Variants in CALCOCO1 observed in about 807,000 individuals in gnomAD.
The protein encoded by CALCOCO1 is calcium-binding and coiled-coil domain-containing protein 1.
A neutral mutation model predicts 86.3 loss-of-function variants in CALCOCO1; 44 were observed. That is an observed-to-expected ratio of 0.51 (90% CI 0.40 to 0.66). The LOEUF (loss-of-function observed/expected upper bound fraction) is 0.66. Among genes scored for constraint, CALCOCO1 ranks in the 30% least tolerant of loss-of-function variants. The pLI is 0.00. For missense variants in CALCOCO1, 708 were observed against 851.1 expected (o/e 0.83, Z 2.09); for synonymous variants, 297 against 327.6 (o/e 0.91, Z 1.01).
At chr12:53,720,941 G>A (rs1315707313) in intron 6 of CALCOCO1, among the ~76,000 whole-genome samples, 1 of 152,236 alleles carries the variant, frequency 6.6e-6, no homozygotes, top group Non-Finnish European at 1.5e-5. Flanking sequence ...AAAAATGACA[G>A]CTGTCAAATG....
Position 53,725,207 on chromosome 12 carries a change from A to C in CALCOCO1, c.36T>G (p.Arg12=). 1 of 1,611,090 alleles carries C rather than the reference A, an allele frequency of 6.2e-7. No individual in the cohort carries two copies. Among genetic ancestry groups the C allele is most frequent in the Admixed American group, 1.7e-5 (1 of 59,530 alleles). ...EESPLSRAPS[R]GGVNFLNVAR... Reference sequence around the variant, plus strand: ...CTACATTGAGAAAGTTGACTCCACCACGGGATGGTGCCCGGCTTAGTGGTG... The same window carrying C: ...CTACATTGAGAAAGTTGACTCCACCCCGGGATGGTGCCCGGCTTAGTGGTG... The change falls in exon 2 of 15, where the codon CGT becomes CGG. Residue 12 remains arginine, a synonymous_variant. Transcript: ENST00000550804.
At chr12:53,719,901 T>C (rs991705882) in intron 6 of CALCOCO1, 72 bp from the exon 7 acceptor site, 1 of 980,602 alleles carries the variant, frequency 1.0e-6, no homozygotes, top group African/African-American at 1.6e-5. Flanking sequence ...GCCTCTGTCT[T>C]GTGCTCTGCT....
rs1945988288 is a variant in CALCOCO1 at position 53,725,115 on chromosome 12, C to G, written c.128G>C (p.Ser43Thr). The change falls in exon 2 of 15, where the codon AGT becomes ACT. Residue 43 changes from serine (S) to threonine (T), a missense_variant. By Grantham distance (58) the Ser-to-Thr change is moderately conservative. Transcript: ENST00000550804. ...GAAGATGCCAATCCAGTCACTGGCA[C>G]TGGGCATGGTGCCTGGGGGAAGGGT... The part of the protein sequence containing the change: ...HYTLPPGTMP[S>T]ASDWIGIFKV... 1.2e-6 allele frequency: 2 copies of G among 1,609,682 alleles called. No individual in the cohort carries two copies. Among genetic ancestry groups the G allele is most frequent in the Non-Finnish European group, 1.7e-6 (2 of 1,178,006 alleles).
intron 14 of CALCOCO1, 94 bp from the exon 15 acceptor site, chr12:53,712,215 T>A: frequency 9.1e-7 from 1 of 1,096,780 alleles, no homozygotes; most frequent in South Asian, 1.6e-5. Flanking sequence ...GTGCCTGGGT[T>A]CCCAGGTTAT....
intron 4 of CALCOCO1, among the ~76,000 whole-genome samples, chr12:53,722,485 A>G (rs1238985250): frequency 1.3e-5 from 2 of 152,172 alleles, no homozygotes; most frequent in Non-Finnish European, 2.9e-5. Context: ...ACACAGACAC[A>G]AGGGATGGGT....
In CALCOCO1 at chr12:53,715,848, T is replaced by A. The variant is rs745478232; in HGVS notation, c.1205A>T (p.Lys402Met). 2 of 1,614,108 alleles carry A rather than the reference T, an allele frequency of 1.2e-6. No individual in the cohort carries two copies. The highest frequency in any genetic ancestry group is 1.7e-6 in the Non-Finnish European group (2 of 1,180,020). ...CTTGCTCCATTGGCATTTTTCTTCC[T>A]TCAAGTGCAAACCGAGCTCAGCCAG... ...GRLAELGLHL[K>M]EEKCQWSKER... The change falls in exon 9 of 15, where the codon AAG becomes ATG. Residue 402 changes from lysine to methionine, a missense_variant. Lys to Met is a moderately conservative substitution (Grantham distance 95). Coordinates refer to ENST00000550804, the MANE Select transcript of CALCOCO1 (RefSeq NM_020898.3).
chr12:53,724,886 G>T, intron 2 of CALCOCO1, 139 bp from the exon 3 acceptor site: 1 of 827,238 alleles, frequency 1.2e-6, no homozygotes, highest in Non-Finnish European at 1.9e-6. Context: ...AAAGTGGAGG[G>T]ACACTAATGT....
chr12:53,714,778 A>G, intron 10 of CALCOCO1, 85 bp from the exon 11 acceptor site: 1 of 929,622 alleles, frequency 1.1e-6, no homozygotes, highest in Non-Finnish European at 1.7e-6. Context: ...AACAATCTAG[A>G]ACCAGGTCTC....
In CALCOCO1 at chr12:53,710,129, T is replaced by C. The variant is rs1363249567; in HGVS notation, c.*1815A>G. ...AAGCAATAAAGGAAGAGAGGGATTC[T>C]ATTAATTAAATCATTGTTATAATTA... On this transcript the variant is annotated 3_prime_UTR_variant, in exon 15 of 15. Transcript: ENST00000550804. 1.3e-5 allele frequency: 2 copies of C among 152,222 alleles called. No homozygotes were observed. Among genetic ancestry groups the C allele is most frequent in the Non-Finnish European group, 2.9e-5 (2 of 68,040 alleles). The allele number at this position is 152,222 out of a possible 1,614,324, so 9.4% of individuals were successfully genotyped here.
In CALCOCO1 at chr12:53,710,562, T is replaced by C. The variant is rs913414245; in HGVS notation, c.*1382A>G. The C allele has an allele frequency of 2.0e-5, 3 of 152,194 alleles. No individual in the cohort carries two copies. The highest frequency in any genetic ancestry group is 1.9e-4 in the East Asian group (1 of 5,188). 9.4% of individuals were successfully genotyped at this position (152,194 alleles called of 1,614,324 possible). ...GTCTAGCCTGTGAAGCTGGTTAGAG[T>C]GGATGAATGTGTTTTTGTGACTGTT... On this transcript the variant is annotated 3_prime_UTR_variant, in exon 15 of 15. Transcript: ENST00000550804.
rs200116362 is a variant in CALCOCO1 at position 53,713,902 on chromosome 12, T to C, written c.1592-2A>G. 2.0e-6 allele frequency: 3 copies of C among 1,526,758 alleles called. No homozygotes were observed. The highest frequency in any genetic ancestry group is 8.8e-7 in the Non-Finnish European group (1 of 1,137,460). 94.6% of individuals were successfully genotyped at this position (1,526,758 alleles called of 1,614,324 possible). A position where few individuals can be genotyped will look rare whatever the true frequency, so the allele number is the denominator to read the frequency against. On this transcript the variant is annotated splice_acceptor_variant, in intron 12 of 14. Coordinates refer to ENST00000550804, the MANE Select transcript of CALCOCO1 (RefSeq NM_020898.3). LOFTEE classifies it high-confidence loss of function. Reference sequence around the variant, plus strand: ...AGTCTGTCAGAGCTGCCGGGCAGCCTGTAGGAGATGAAGCAGGCAGAGAAG... The same window carrying C: ...AGTCTGTCAGAGCTGCCGGGCAGCCCGTAGGAGATGAAGCAGGCAGAGAAG...
Position 53,711,386 on chromosome 12 carries a change from G to C in CALCOCO1, c.*558C>G. 1 of 389,588 alleles carries C rather than the reference G, an allele frequency of 2.6e-6. No homozygotes were observed. Among genetic ancestry groups the C allele is most frequent in the Non-Finnish European group, 4.5e-6 (1 of 220,774 alleles). The allele number at this position is 389,588 out of a possible 1,614,324, so 24.1% of individuals were successfully genotyped here. ...ATACCTAAGGTTATGGAAAAGGCTA[G>C]GGTGGGGCACAGAAGTCAATGGGGG... On this transcript the variant is annotated 3_prime_UTR_variant, in exon 15 of 15. Coordinates refer to ENST00000550804, the MANE Select transcript of CALCOCO1 (RefSeq NM_020898.3).
In CALCOCO1 at chr12:53,716,323, A is replaced by G. The variant is rs1945726295; in HGVS notation, c.942T>C (p.Ala314=). The G allele has an allele frequency of 6.2e-7, 1 of 1,614,172 alleles. No homozygotes were observed. Among genetic ancestry groups the G allele is most frequent in the Non-Finnish European group, 8.5e-7 (1 of 1,180,042 alleles). The change falls in exon 8 of 15, where the codon GCT becomes GCC. Residue 314 remains alanine, a synonymous_variant. Transcript: ENST00000550804. Reference sequence around the variant, plus strand: ...GGGCCACCTTGTCTTTCAGTCGCTGAGCCTGAGCACTCTGCTCCTCTTGCC... The same window carrying G: ...GGGCCACCTTGTCTTTCAGTCGCTGGGCCTGAGCACTCTGCTCCTCTTGCC... ...KSWQEEQSAQ[A]QRLKDKVAQM... is the part of the protein sequence containing the mutation.
rs149345010 is a variant in CALCOCO1, at chr12:53,725,321, C to A, written c.-24-55G>T. The A allele has an allele frequency of 3.8e-5, 47 of 1,243,474 alleles. No individual in the cohort carries two copies. In the East Asian group the frequency reaches 5.9e-4, roughly 16 times the overall value. 77.0% of individuals were successfully genotyped at this position (1,243,474 alleles called of 1,614,324 possible). A position where few individuals can be genotyped will look rare whatever the true frequency, so the allele number is the denominator to read the frequency against. On this transcript the variant is annotated intron_variant, in intron 1 of 14. Coordinates refer to ENST00000550804, the MANE Select transcript of CALCOCO1 (RefSeq NM_020898.3). ...TCTTTCCAGTCCACCTCCTTCCCCC[C>A]ACAGCTCCAGCACCACACACTCACA...
chr12:53,725,935 G>A (rs1475824294), intron 1 of CALCOCO1, among the ~76,000 whole-genome samples: 6 of 152,150 alleles, frequency 3.9e-5, no homozygotes, highest in Non-Finnish European at 7.3e-5. Flanking sequence ...AAAGGGAAGG[G>A]GAGGATATAA....
chr12:53,712,626 C>G (rs1485497064), intron 14 of CALCOCO1: 1 of 313,878 alleles, frequency 3.2e-6, no homozygotes, highest in African/African-American at 2.2e-5. Context: ...TATAGGTTCC[C>G]TTCCCTAAGG....
Position 53,713,874 on chromosome 12 carries a change from C to T in CALCOCO1, c.1618G>A (p.Glu540Lys). 1 of 1,525,192 alleles carries T rather than the reference C, an allele frequency of 6.6e-7. No homozygotes were observed. The highest frequency in any genetic ancestry group is 8.8e-7 in the Non-Finnish European group (1 of 1,136,756). 94.5% of individuals were successfully genotyped at this position (1,525,192 alleles called of 1,614,324 possible). A position where few individuals can be genotyped will look rare whatever the true frequency, so the allele number is the denominator to read the frequency against. The change falls in exon 13 of 15, where the codon GAG becomes AAG. Residue 540 changes from glutamate (E) to lysine (K), a missense_variant. Physicochemically the swap from Glu to Lys is moderately conservative, Grantham distance 56. Coordinates refer to ENST00000550804, the MANE Select transcript of CALCOCO1 (RefSeq NM_020898.3). ...LSCPAALTDS[E>K]DESPEDMRLP... ...CTCATGTCTTCTGGGGACTCGTCCTCTGAGTCTGTCAGAGCTGCCGGGCAG... is the reference window on the plus strand; with the variant it reads ...CTCATGTCTTCTGGGGACTCGTCCTTTGAGTCTGTCAGAGCTGCCGGGCAG...
chr12:53,714,756 G>A, intron 10 of CALCOCO1, 63 bp from the exon 11 acceptor site: 2 of 1,226,810 alleles, frequency 1.6e-6, no homozygotes, highest in Non-Finnish European at 2.4e-6. Flanking sequence ...CCTGGACTCT[G>A]GGACCAGGAC....
Position 53,714,644 on chromosome 12 carries a change from A to G in CALCOCO1, c.1436T>C (p.Leu479Pro), listed in dbSNP as rs199564380. Residue 479 changes from leucine to proline, a missense_variant, in exon 11 of 15, where the codon CTG (leucine) becomes CCG (proline). By Grantham distance (98) the Leu-to-Pro change is moderately conservative. Transcript: ENST00000550804. Reference protein sequence around the residue: ...KRELTELRSALRVLQKEKEQL... With the variant: ...KRELTELRSAPRVLQKEKEQL... The stretch of plus-strand genomic sequence containing the variant: ...CTCCTTTTCCTTCTGGAGCACACGC[A>G]GGGCTGACCGCAGCTCTGTCAGCTC... The G allele has an allele frequency of 1.9e-5, 31 of 1,613,950 alleles. No homozygotes were observed. The highest frequency in any genetic ancestry group is 2.6e-5 in the Non-Finnish European group (31 of 1,180,016).
Sources: allele counts gnomAD v4.1 joint callset (sites outside exome capture counted in the v4.1 genomes callset), GRCh38; gene constraint gnomAD v4.1.1; transcripts MANE v1.5; gene names NCBI Gene and HGNC (gene_info 2026-07-23, HGNC 2026-07-21).